The following MUS81 variants were observed in gnomAD, a reference collection of about 807,000 sequenced individuals.
MUS81 encodes the protein MUS81 structure-specific endonuclease subunit, also known as structure-specific endonuclease subunit MUS81.
A neutral mutation model predicts 74.2 loss-of-function variants in MUS81; 69 were observed. The observed-to-expected ratio is 0.93, with a 90% CI of 0.77 to 1.14. The LOEUF (loss-of-function observed/expected upper bound fraction) is 1.14, where lower values mean the gene tolerates loss of function less well. Among genes scored for constraint, MUS81 ranks in the 50% most tolerant of loss-of-function variants. MUS81 has a pLI of 0.00. For synonymous variants in MUS81, 303 were observed against 300.6 expected, an observed-to-expected ratio of 1.01 and a Z score of -0.08; for missense variants, 711 against 726.5, an observed-to-expected ratio of 0.98 and a Z score of 0.25.
downstream of MUS81, chr11:65,866,904 C>G (rs747521684): frequency 6.2e-7 from 1 of 1,614,052 alleles, no homozygotes; most frequent in Non-Finnish European, 8.5e-7. Context: ...GGGAGGGTGG[C>G]TCCCTCCTGC....
In MUS81 at chr11:65,866,172, G is replaced by A; in HGVS notation, c.*120G>A. ...AAGTGTTTGCAGCCATATGTGTCAT[G>A]TAGAAGATGCCTAGCCCTGGGGACC... is the stretch of plus-strand genomic sequence containing the variant. On this transcript the variant is annotated 3_prime_UTR_variant, in exon 16 of 16. Coordinates refer to ENST00000308110, the MANE Select transcript of MUS81 (RefSeq NM_025128.5). 1.0e-6 allele frequency: 1 copy of A among 955,664 alleles called. No homozygotes were observed. Among genetic ancestry groups the A allele is most frequent in the Middle Eastern group, 2.2e-4 (1 of 4,592 alleles). The allele number at this position is 955,664 out of a possible 1,614,324, so 59.2% of individuals were successfully genotyped here.
downstream of MUS81, chr11:65,867,567 T>G (rs1859876340): frequency 4.1e-6 from 2 of 489,638 alleles, no homozygotes; most frequent in African/African-American, 3.9e-5. Flanking sequence ...GTGGACTTTC[T>G]GACCCCAGGG....
In MUS81 at chr11:65,863,658, G is replaced by A. The variant is rs1365024672; in HGVS notation, c.898G>A (p.Val300Met). ...ELQRLHVTHT[V>M]RKLHVGDFVW... ...ACAGCGGCTGCACGTGACCCACACGGTGCGCAAGCTGCACGTTGGAGATTT... is the reference window on the plus strand; with the variant it reads ...ACAGCGGCTGCACGTGACCCACACGATGCGCAAGCTGCACGTTGGAGATTT... The change falls in exon 9 of 16, where the codon GTG becomes ATG. Residue 300 changes from valine to methionine, a missense_variant. By Grantham distance (21) the Val-to-Met change is conservative. Coordinates refer to ENST00000308110, the MANE Select transcript of MUS81 (RefSeq NM_025128.5). 1 of 1,614,112 alleles carries A rather than the reference G, an allele frequency of 6.2e-7. No homozygotes were observed. Among genetic ancestry groups the A allele is most frequent in the Non-Finnish European group, 8.5e-7 (1 of 1,180,010 alleles).
chr11:65,867,429 GAGAA>G (rs1284333470), downstream of MUS81: 4 of 438,196 alleles, frequency 9.1e-6, no homozygotes, highest in East Asian at 1.9e-4. Flanking sequence ...CAAAAAGAAA[GAGAA>G]GGGCTGGTAC....
Position 65,862,053 on chromosome 11 carries a change from C to T in MUS81, c.450+8C>T, listed in dbSNP as rs375411470. 6.2e-5 allele frequency: 99 copies of T among 1,606,558 alleles called. No individual in the cohort carries two copies. Among genetic ancestry groups the T allele is most frequent in the Non-Finnish European group, 7.4e-5 (87 of 1,176,562 alleles). On this transcript the variant is annotated splice_region_variant and intron_variant, in intron 4 of 15. Transcript: ENST00000308110. The stretch of plus-strand genomic sequence containing the variant: ...CTCTACCGGGAGCACCTGGTGAGCA[C>T]TGGGCTACACCGGGAGGCGGAACCA...
At chr11:65,867,354 C>T (rs1859871326), downstream of MUS81, 1 of 542,972 alleles carries the variant, frequency 1.8e-6, no homozygotes. Context: ...CCACATGTGG[C>T]TCTTGGGACT....
intron 5 of MUS81, 22 bp downstream of exon 5, chr11:65,862,301 G>A: frequency 6.2e-7 from 1 of 1,613,282 alleles, no homozygotes; most frequent in Admixed American, 1.7e-5. Context: ...GATCAGGGAG[G>A]ACAGGCCCAA....
Position 65,866,076 on chromosome 11 carries a change from A to G in MUS81, c.*24A>G. The stretch of plus-strand genomic sequence containing the variant: ...GAGCTTATGCCGTGAAACAGCCCCC[A>G]GCCCCCGTCTGTCCCCCAACCCAGG... On this transcript the variant is annotated 3_prime_UTR_variant, in exon 16 of 16. Coordinates refer to ENST00000308110, the MANE Select transcript of MUS81 (RefSeq NM_025128.5). The G allele has an allele frequency of 6.2e-7, 1 of 1,607,494 alleles. No individual in the cohort carries two copies. Among genetic ancestry groups the G allele is most frequent in the African/African-American group, 1.3e-5 (1 of 74,714 alleles).
downstream of MUS81, chr11:65,867,077 T>C: frequency 1.2e-6 from 2 of 1,613,974 alleles, no homozygotes; most frequent in Non-Finnish European, 1.7e-6. Context: ...CGTTGTTGAT[T>C]TGCTGCAGGG....
intron 3 of MUS81, 77 bp from the exon 4 acceptor site, chr11:65,861,870 G>C (rs1859619155): frequency 1.7e-6 from 2 of 1,167,726 alleles, no homozygotes; most frequent in African/African-American, 1.5e-5. Flanking sequence ...ACTTACCCAG[G>C]GCCACAAAGC....
chr11:65,864,406 T>G, intron 10 of MUS81, 91 bp from the exon 11 acceptor site: 1 of 1,186,542 alleles, frequency 8.4e-7, no homozygotes, highest in Non-Finnish European at 1.3e-6. Flanking sequence ...GGGAACAGGG[T>G]CCCGGCACCA....
At chr11:65,865,924 G>A (rs1859814470) in intron 15 of MUS81, 30 bp downstream of exon 15, 1 of 1,614,012 alleles carries the variant, frequency 6.2e-7, no homozygotes, top group Non-Finnish European at 8.5e-7. Flanking sequence ...CCTGGAGGGA[G>A]TGGCAGGGAC....
chr11:65,860,970 C>T lies in MUS81; in HGVS notation c.136-3C>T. On this transcript the variant is annotated splice_region_variant and splice_polypyrimidine_tract_variant and intron_variant, in intron 1 of 15. Transcript: ENST00000308110. The stretch of plus-strand genomic sequence containing the variant: ...ACCAGGTACCCTACCCCTGCCCGGC[C>T]AGGCGCTGCGTTCCCTCCGACGGTA... 1 of 1,611,700 alleles carries T rather than the reference C, an allele frequency of 6.2e-7. No individual in the cohort carries two copies. The highest frequency in any genetic ancestry group is 8.5e-7 in the Non-Finnish European group (1 of 1,179,482).
Position 65,861,006 on chromosome 11 carries a change from C to T in MUS81, c.169C>T (p.Leu57=), listed in dbSNP as rs754072132. Residue 57 remains leucine (L), a synonymous_variant, in exon 2 of 16, where the codon CTG becomes TTG. Transcript: ENST00000308110. The part of the protein sequence containing the change: ...LRSLRRYPLP[L]RSGKEAKILQ... ...TTCCCTCCGACGGTACCCACTGCCG[C>T]TGCGCAGCGGGAAGGAAGCTAAGAT... 2 of 1,612,566 alleles carry T rather than the reference C, an allele frequency of 1.2e-6. No homozygotes were observed. Among genetic ancestry groups the T allele is most frequent in the Non-Finnish European group, 8.5e-7 (1 of 1,179,866 alleles).
At chr11:65,864,372 G>C (rs369792427) in intron 10 of MUS81, 125 bp from the exon 11 acceptor site, 13 of 810,238 alleles carry the variant, frequency 1.6e-5, no homozygotes, top group Non-Finnish European at 2.5e-5. Flanking sequence ...GGAGAGGCTA[G>C]GGAGGATGCA....
chr11:65,866,161 A>G lies in MUS81; in HGVS notation c.*109A>G. Reference sequence around the variant, plus strand: ...AATTAGAATCTAAGTGTTTGCAGCCATATGTGTCATGTAGAAGATGCCTAG... The same window carrying G: ...AATTAGAATCTAAGTGTTTGCAGCCGTATGTGTCATGTAGAAGATGCCTAG... On this transcript the variant is annotated 3_prime_UTR_variant, in exon 16 of 16. Transcript: ENST00000308110. The G allele has an allele frequency of 7.4e-6, 8 of 1,081,690 alleles. No individual in the cohort carries two copies. In the South Asian group the frequency reaches 1.2e-4, roughly 17 times the overall value. 67.0% of individuals were successfully genotyped at this position (1,081,690 alleles called of 1,614,324 possible).
intron 3 of MUS81, 139 bp downstream of exon 3, chr11:65,861,574 A>C (rs1365666567): frequency 8.9e-6 from 6 of 675,408 alleles, no homozygotes; most frequent in Non-Finnish European, 1.5e-5. Flanking sequence ...CCTCTTTTCG[A>C]CTTAGTATTT....
rs998101716 is a variant in MUS81, at chr11:65,861,436, G to C, written c.351+1G>C. The C allele has an allele frequency of 2.5e-6, 4 of 1,596,026 alleles. No individual in the cohort carries two copies. Among genetic ancestry groups the C allele is most frequent in the Non-Finnish European group, 3.4e-6 (4 of 1,170,232 alleles). ...GGAAGTCCAGGACTCTTCCATGCCA[G>C]TGAGGAAGGGGCAAGGGGAGTGGAA... On this transcript the variant is annotated splice_donor_variant, in intron 3 of 15. Transcript: ENST00000308110. LOFTEE classifies it high-confidence loss of function.
chr11:65,862,557 G>A, intron 6 of MUS81, 28 bp downstream of exon 6: 1 of 1,602,388 alleles, frequency 6.2e-7, no homozygotes, highest in Non-Finnish European at 8.5e-7. Flanking sequence ...AGATACAGGA[G>A]AGCATGAGTG....
Sources: allele counts gnomAD v4.1 joint callset, GRCh38; gene constraint gnomAD v4.1.1; transcripts MANE v1.5; gene names NCBI Gene and HGNC (gene_info 2026-07-23, HGNC 2026-07-21).